Variants in RANBP2 observed in about 807,000 individuals in gnomAD.
RANBP2 encodes the protein E3 SUMO-protein ligase RanBP2.
In RANBP2, 57 loss-of-function variants were observed where a neutral mutation model predicts 303.6. The ratio of observed to expected loss-of-function variants is 0.19; its 90% confidence interval spans 0.15 to 0.23. RANBP2 has a LOEUF of 0.23. RANBP2 is among the 10% of genes least tolerant of loss of function. RANBP2 has a pLI of 1.00. For synonymous variants in RANBP2, 1,167 were observed against 1,301.5 expected (o/e 0.90, Z 2.23); for missense variants, 3,138 against 3,780.8 (o/e 0.83, Z 4.46).
At chr2:109,680,750 C>T in the RANBP2 span, among the ~76,000 whole-genome samples, 8 of 152,108 alleles carry the variant, frequency 5.3e-5, no homozygotes, top group Non-Finnish European at 2.9e-5. Flanking sequence ...GTTTCTTTTT[C>T]AAGTGATTAC....
At chr2:109,488,168 G>T in the RANBP2 span, among the ~76,000 whole-genome samples, 7 of 152,196 alleles carry the variant, frequency 4.6e-5, no homozygotes, top group Admixed American at 3.9e-4. Context: ...ATCCTGGCCT[G>T]CTGTCCTTGT....
the RANBP2 span, among the ~76,000 whole-genome samples, chr2:108,990,653 G>A: frequency 6.6e-6 from 1 of 152,132 alleles, no homozygotes; most frequent in Admixed American, 6.6e-5. Flanking sequence ...GCTGGGGCAA[G>A]GACCTAGACT....
chr2:109,537,654 G>A, the RANBP2 span, among the ~76,000 whole-genome samples: 6 of 152,020 alleles, frequency 3.9e-5, no homozygotes, highest in Admixed American at 3.3e-4. Flanking sequence ...TAATACAAAT[G>A]TTTAGGGACA....
chr2:109,361,359 G>A, the RANBP2 span, among the ~76,000 whole-genome samples: 3 of 152,142 alleles, frequency 2.0e-5, no homozygotes, highest in Non-Finnish European at 2.9e-5. Context: ...TTCTTTCTGC[G>A]AAGTATTGAG....
the RANBP2 span, among the ~76,000 whole-genome samples, chr2:109,256,822 C>T: frequency 6.6e-5 from 10 of 152,210 alleles, no homozygotes; most frequent in South Asian, 2.1e-4. Flanking sequence ...GTGGCAGTGC[C>T]GGGTGACAGG....
the RANBP2 span, among the ~76,000 whole-genome samples, chr2:109,523,498 C>T: frequency 3.3e-5 from 5 of 152,270 alleles, no homozygotes; most frequent in Admixed American, 2.0e-4. Context: ...CAAGATGTGC[C>T]GTGATACACA....
the RANBP2 span, among the ~76,000 whole-genome samples, chr2:109,269,663 C>T: frequency 4.8e-4 from 73 of 152,162 alleles, no homozygotes; most frequent in African/African-American, 1.7e-3. Flanking sequence ...TGCCTAGTCC[C>T]AGCTACTCAG....
At chr2:108,853,080 A>G in the RANBP2 span, among the ~76,000 whole-genome samples, 1 of 152,230 alleles carries the variant, frequency 6.6e-6, no homozygotes, top group African/African-American at 2.4e-5. Context: ...TGCAAAAGTA[A>G]AAATGTTCCA....
At chr2:108,739,228 C>G (rs1207710786) in intron 6 of RANBP2, among the ~76,000 whole-genome samples, 1 of 151,838 alleles carries the variant, frequency 6.6e-6, no homozygotes, top group Admixed American at 6.6e-5. Flanking sequence ...ATGGTGAAAC[C>G]TTGTCTCTAC....
the RANBP2 span, among the ~76,000 whole-genome samples, chr2:109,065,176 A>G: frequency 1.3e-5 from 2 of 152,216 alleles, no homozygotes; most frequent in African/African-American, 4.8e-5. Flanking sequence ...GAGGCACTCT[A>G]GTTGAAGACT....
At chr2:108,723,594 C>T (rs930173214) in intron 1 of RANBP2, among the ~76,000 whole-genome samples, 2 of 152,176 alleles carry the variant, frequency 1.3e-5, no homozygotes, top group East Asian at 1.9e-4. Context: ...ACATTCTGTA[C>T]TGGTTATTAT....
At chr2:109,054,466 G>A in the RANBP2 span, among the ~76,000 whole-genome samples, 1 of 152,104 alleles carries the variant, frequency 6.6e-6, no homozygotes, top group African/African-American at 2.4e-5. Context: ...CAGCATTTTG[G>A]GAGGCCGAGG....
the RANBP2 span, among the ~76,000 whole-genome samples, chr2:108,832,570 C>T: frequency 2.6e-5 from 4 of 152,260 alleles, no homozygotes; most frequent in East Asian, 7.7e-4. Context: ...TGGTCTGGAA[C>T]TCCTGACCCA....
At chr2:108,922,106 C>G in the RANBP2 span, among the ~76,000 whole-genome samples, 1 of 152,236 alleles carries the variant, frequency 6.6e-6, no homozygotes, top group Non-Finnish European at 1.5e-5. Flanking sequence ...GGCTGCCAGA[C>G]ATTGAACATT....
At chr2:109,289,661 T>G in the RANBP2 span, among the ~76,000 whole-genome samples, 1 of 152,184 alleles carries the variant, frequency 6.6e-6, no homozygotes, top group African/African-American at 2.4e-5. Flanking sequence ...ATTCCATGGC[T>G]CTCTGGTGTT....
At chr2:109,268,463 G>A in the RANBP2 span, among the ~76,000 whole-genome samples, 2 of 152,148 alleles carry the variant, frequency 1.3e-5, no homozygotes, top group Admixed American at 6.5e-5. Flanking sequence ...GAGTGTGGCT[G>A]CAGCAGCTCC....
At chr2:109,734,625 C>G in the RANBP2 span, among the ~76,000 whole-genome samples, 1 of 151,222 alleles carries the variant, frequency 6.6e-6, no homozygotes, top group East Asian at 1.9e-4. Context: ...TTTTTTCCCA[C>G]AAATGGGGAA....
chr2:109,420,421 T>TTTG, the RANBP2 span, among the ~76,000 whole-genome samples: 1 of 152,022 alleles, frequency 6.6e-6, no homozygotes, highest in Admixed American at 6.6e-5. Context: ...AACAGGATTT[T>TTTG]TTGTTGTTGT....
At chr2:109,394,123 G>C in the RANBP2 span, among the ~76,000 whole-genome samples, 5,182 of 152,280 alleles carry the variant, frequency 0.034, 117 homozygotes, top group Non-Finnish European at 0.053. Context: ...CTGTAGAACT[G>C]TTTAAAGGAT....
Sources: allele counts gnomAD v4.1 joint callset (sites outside exome capture counted in the v4.1 genomes callset), GRCh38; gene constraint gnomAD v4.1.1; transcripts MANE v1.5; gene names NCBI Gene and HGNC (gene_info 2026-07-23, HGNC 2026-07-21).